Variants in DIAPH2 observed in about 807,000 individuals in gnomAD.
DIAPH2 encodes protein diaphanous homolog 2.
A neutral mutation model predicts 92.7 loss-of-function variants in DIAPH2; 35 were observed. The observed-to-expected ratio is 0.38, with a 90% CI of 0.29 to 0.50. The LOEUF is 0.50. Among genes scored for constraint, DIAPH2 ranks in the 20% least tolerant of loss-of-function variants. The pLI, the probability that DIAPH2 is intolerant of heterozygous loss-of-function variation, is 0.94. For missense variants in DIAPH2, 701 were observed against 819.5 expected, an observed-to-expected ratio of 0.86 and a Z score of 1.77; for synonymous variants, 301 against 280.4, an observed-to-expected ratio of 1.07 and a Z score of -0.73.
At chrX:96,882,682 C>A (rs1465502485) in intron 5 of DIAPH2, among the ~76,000 whole-genome samples, 2 of 109,629 alleles carry the variant, frequency 1.8e-5, no homozygotes, top group African/African-American at 6.7e-5. Flanking sequence ...CTTGGCCGGG[C>A]GTGGGGGCTC....
At chrX:97,351,801 T>C (rs2069217830) in intron 24 of DIAPH2, among the ~76,000 whole-genome samples, 1 of 110,223 alleles carries the variant, frequency 9.1e-6, no homozygotes, top group South Asian at 3.8e-4. Flanking sequence ...AGACTCCGTC[T>C]CAAAACAAAA....
At chrX:96,751,652 G>GTTTTTTTT (rs1219167141) in intron 3 of DIAPH2, among the ~76,000 whole-genome samples, 16 of 60,293 alleles carry the variant, frequency 2.7e-4, no homozygotes, top group South Asian at 8.8e-4. Flanking sequence ...TCAGTGTTTT[G>GTTTTTTTT]TTTTTTTTTT....
At chrX:97,420,403 T>C (rs2069996231) in intron 25 of DIAPH2, among the ~76,000 whole-genome samples, 2 of 111,892 alleles carry the variant, frequency 1.8e-5, no homozygotes, top group South Asian at 7.5e-4. Context: ...CAGTTTGGGG[T>C]ATAATATCCA....
chrX:96,976,990 A>G (rs769144755), intron 17 of DIAPH2, among the ~76,000 whole-genome samples: 1 of 111,580 alleles, frequency 9.0e-6, no homozygotes, highest in Admixed American at 9.6e-5. Context: ...TTGTTTACAT[A>G]TCTAGTAAGT....
At chrX:97,457,704 T>TC (rs2147799005) in intron 26 of DIAPH2, among the ~76,000 whole-genome samples, 1 of 111,524 alleles carries the variant, frequency 9.0e-6, no homozygotes, top group African/African-American at 3.3e-5. Flanking sequence ...GAATGTTTTG[T>TC]CCCCCCAAAA....
chrX:97,318,264 G>A (rs1016591400), intron 23 of DIAPH2, among the ~76,000 whole-genome samples: 3 of 108,834 alleles, frequency 2.8e-5, no homozygotes, highest in Non-Finnish European at 5.7e-5. Flanking sequence ...TCAGCCTCCC[G>A]AGTAGCTGGG....
intron 4 of DIAPH2, 31 bp downstream of exon 4, chrX:96,758,289 G>C (rs1407976335): frequency 8.8e-7 from 1 of 1,136,444 alleles, no homozygotes; most frequent in Non-Finnish European, 1.2e-6. Flanking sequence ...AGCTCCAACA[G>C]AATGAGCAAT....
At chrX:97,486,123 AT>A (rs1399363855) in intron 26 of DIAPH2, among the ~76,000 whole-genome samples, 2 of 111,777 alleles carry the variant, frequency 1.8e-5, no homozygotes, top group Non-Finnish European at 3.8e-5. Flanking sequence ...TCTTAAAAAA[AT>A]AAGATACCCG....
At chrX:97,491,097 G>T (rs2070722294) in intron 26 of DIAPH2, among the ~76,000 whole-genome samples, 1 of 111,338 alleles carries the variant, frequency 9.0e-6, no homozygotes, top group African/African-American at 3.3e-5. Flanking sequence ...CTAATATTTG[G>T]TGTATATATG....
chrX:96,901,533 T>G (rs12858493), intron 5 of DIAPH2, among the ~76,000 whole-genome samples: 518 of 23,000 alleles, frequency 0.023, 7 homozygotes, highest in African/African-American at 0.072. Flanking sequence ...TTTCTTTCTG[T>G]TTTTTTTTTT....
chrX:96,891,764 C>T (rs903724963), intron 5 of DIAPH2, among the ~76,000 whole-genome samples: 2 of 111,710 alleles, frequency 1.8e-5, no homozygotes, highest in African/African-American at 3.3e-5. Context: ...TTTTACCCCA[C>T]GAGGAAATTG....
chrX:96,783,615 CA>C (rs777632072), intron 4 of DIAPH2, among the ~76,000 whole-genome samples: 45 of 112,353 alleles, frequency 4.0e-4, no homozygotes, highest in Middle Eastern at 9.2e-3. Flanking sequence ...GGCAAGGTCA[CA>C]AGGCATTGCC....
At chrX:97,439,524 C>T (rs1427487849) in intron 26 of DIAPH2, among the ~76,000 whole-genome samples, 1 of 108,617 alleles carries the variant, frequency 9.2e-6, no homozygotes, top group African/African-American at 3.4e-5. Flanking sequence ...GAGCCGAGAT[C>T]GTGCCATTGC....
At chrX:97,032,170 T>C (rs1167091119) in intron 17 of DIAPH2, among the ~76,000 whole-genome samples, 1 of 111,380 alleles carries the variant, frequency 9.0e-6, no homozygotes, top group African/African-American at 3.3e-5. Flanking sequence ...TAAATAATTA[T>C]AAAGATCACT....
At chrX:97,094,426 A>G (rs146364398) in intron 19 of DIAPH2, among the ~76,000 whole-genome samples, 1 of 112,160 alleles carries the variant, frequency 8.9e-6, no homozygotes, top group Non-Finnish European at 1.9e-5. Context: ...TTGTTACTTC[A>G]AGGTCAGGAA....
chrX:96,916,871 A>G (rs1181966910), intron 8 of DIAPH2, among the ~76,000 whole-genome samples: 1 of 111,554 alleles, frequency 9.0e-6, no homozygotes, highest in Non-Finnish European at 1.9e-5. Context: ...GACAAAAATC[A>G]GAGAGTTATT....
intron 23 of DIAPH2, among the ~76,000 whole-genome samples, chrX:97,264,840 C>T (rs1602461618): frequency 1.8e-5 from 2 of 111,157 alleles, no homozygotes; most frequent in East Asian, 5.7e-4. Flanking sequence ...AAAAATTAGC[C>T]GGGCATGGTG....
chrX:97,370,103 T>C (rs899913352), intron 24 of DIAPH2, among the ~76,000 whole-genome samples: 4 of 111,563 alleles, frequency 3.6e-5, no homozygotes, highest in African/African-American at 1.3e-4. Flanking sequence ...TAGAACGGTA[T>C]GTGACAGTTC....
chrX:97,436,477 A>G (rs1334423767), intron 26 of DIAPH2, among the ~76,000 whole-genome samples: 1 of 112,218 alleles, frequency 8.9e-6, no homozygotes, highest in African/African-American at 3.2e-5. Flanking sequence ...TGTCAGCAAG[A>G]TAACAGTATA....
Sources: allele counts gnomAD v4.1 joint callset (sites outside exome capture counted in the v4.1 genomes callset), GRCh38; gene constraint gnomAD v4.1.1; transcripts MANE v1.5; gene names NCBI Gene and HGNC (gene_info 2026-07-23, HGNC 2026-07-21).